LUZP2: variants seen among roughly 807,000 people sequenced by gnomAD.
LUZP2 encodes the protein leucine zipper protein 2.
In LUZP2, 52 loss-of-function variants were observed where a neutral mutation model predicts 51.6. That is an observed-to-expected ratio of 1.01 (90% CI 0.81 to 1.27). LUZP2 has a LOEUF of 1.27. LUZP2 is among the 50% of genes most tolerant of loss of function. LUZP2 has a pLI of 0.00. For synonymous variants in LUZP2, 154 were observed against 137.3 expected, an observed-to-expected ratio of 1.12 and a Z score of -0.85; for missense variants, 436 against 395.4, an observed-to-expected ratio of 1.10 and a Z score of -0.87.
chr11:24,954,105 C>G (rs956232964), intron 7 of LUZP2, among the ~76,000 whole-genome samples: 2 of 151,864 alleles, frequency 1.3e-5, no homozygotes, highest in East Asian at 3.9e-4. Flanking sequence ...AGCACAATGG[C>G]TTTGCCATAA....
intron 1 of LUZP2, among the ~76,000 whole-genome samples, chr11:24,562,857 A>G (rs1852093370): frequency 1.1e-5 from 1 of 87,240 alleles, no homozygotes; most frequent in Non-Finnish European, 2.5e-5. Flanking sequence ...GTGAGACTCC[A>G]TCTCTCAAAA....
At chr11:24,556,171 C>A (rs1851864287) in intron 1 of LUZP2, among the ~76,000 whole-genome samples, 1 of 152,172 alleles carries the variant, frequency 6.6e-6, no homozygotes, top group South Asian at 2.1e-4. Context: ...TGTGGATATA[C>A]TTCCACCCCT....
intron 5 of LUZP2, among the ~76,000 whole-genome samples, chr11:24,860,185 G>A (rs898974512): frequency 7.2e-5 from 11 of 152,208 alleles, no homozygotes; most frequent in African/African-American, 2.7e-4. Flanking sequence ...GTCATCTGTG[G>A]TCAGAGTGCT....
intron 5 of LUZP2, among the ~76,000 whole-genome samples, chr11:24,825,459 C>A (rs1250176915): frequency 6.6e-6 from 1 of 152,092 alleles, no homozygotes; most frequent in African/African-American, 2.4e-5. Context: ...CAGAAAACTG[C>A]ATTTAATCTG....
intron 5 of LUZP2, among the ~76,000 whole-genome samples, chr11:24,841,572 C>T (rs1014345804): frequency 6.6e-6 from 1 of 152,048 alleles, no homozygotes; most frequent in African/African-American, 2.4e-5. Context: ...TGTCTCAATA[C>T]ATTTAAATTT....
chr11:24,585,767 C>T (rs941498840), intron 1 of LUZP2, among the ~76,000 whole-genome samples: 2 of 151,932 alleles, frequency 1.3e-5, no homozygotes, highest in Non-Finnish European at 2.9e-5. Context: ...CTGAATGAGC[C>T]GCTTTCAGAC....
intron 1 of LUZP2, among the ~76,000 whole-genome samples, chr11:24,561,840 A>AAT (rs1852051699): frequency 6.6e-6 from 1 of 151,750 alleles, no homozygotes; most frequent in Non-Finnish European, 1.5e-5. Flanking sequence ...TGATAATAAT[A>AAT]AAGAATTATG....
intron 1 of LUZP2, among the ~76,000 whole-genome samples, chr11:24,561,828 A>AATAATAATAATAATAATAATAATG (rs148194595): frequency 0.026 from 3,902 of 151,054 alleles, 74 homozygotes; most frequent in Non-Finnish European, 0.043. Flanking sequence ...TAATAATAAT[A>AATAATAATAATAATAATAATAATG]ATGATAATAA....
At chr11:24,829,603 T>C (rs1460350633) in intron 5 of LUZP2, among the ~76,000 whole-genome samples, 2 of 152,208 alleles carry the variant, frequency 1.3e-5, no homozygotes, top group Non-Finnish European at 2.9e-5. Context: ...TGATTGGCTA[T>C]AGCCATTGCT....
intron 1 of LUZP2, among the ~76,000 whole-genome samples, chr11:24,717,468 C>T (rs1467174319): frequency 1.3e-5 from 2 of 148,176 alleles, no homozygotes; most frequent in Non-Finnish European, 3.0e-5. Flanking sequence ...AATGCAGTGG[C>T]GCCATCTCGG....
rs373112140 is a variant in LUZP2, at chr11:25,076,657, G to GGGAGGGAA, written c.859-664_859-657dup. Among the ~76,000 whole-genome samples, 1,228 of 144,656 alleles carry GGGAGGGAA rather than the reference G, an allele frequency of 8.5e-3. 23 individuals are homozygous for GGGAGGGAA. Among genetic ancestry groups the GGGAGGGAA allele is most frequent in the African/African-American group, 0.03 (1,171 of 38,452 alleles). The allele number at this position is 144,656 out of a possible 152,430, so 94.9% of individuals were successfully genotyped here. ...AAGGGAAAAAGAGGGAAGGAAGGGA[G>GGGAGGGAA]GGAGGGAAGGAGGGAGGGAGGGAGG... On this transcript the variant is annotated intron_variant, in intron 10 of 11. Coordinates refer to ENST00000336930, the MANE Select transcript of LUZP2 (RefSeq NM_001009909.4).
chr11:24,770,570 T>C (rs1192063342), intron 5 of LUZP2, among the ~76,000 whole-genome samples: 2 of 152,182 alleles, frequency 1.3e-5, no homozygotes, highest in East Asian at 3.9e-4. Context: ...CCTTTTATAT[T>C]TTGTTTTAAT....
intron 9 of LUZP2, among the ~76,000 whole-genome samples, chr11:24,996,201 T>C (rs1313616641): frequency 6.6e-6 from 1 of 151,752 alleles, no homozygotes; most frequent in Non-Finnish European, 1.5e-5. Context: ...TCTTGACATG[T>C]TTCATGTTTT....
intron 1 of LUZP2, among the ~76,000 whole-genome samples, chr11:24,679,282 T>C (rs1317491002): frequency 6.6e-6 from 1 of 152,288 alleles, no homozygotes; most frequent in East Asian, 1.9e-4. Flanking sequence ...TTTCATGACA[T>C]GTTAGGTATT....
At chr11:24,944,399 A>C (rs1214880343) in intron 7 of LUZP2, among the ~76,000 whole-genome samples, 1 of 152,224 alleles carries the variant, frequency 6.6e-6, no homozygotes. Flanking sequence ...AATTAAATGA[A>C]AATTCTAAAC....
intron 7 of LUZP2, among the ~76,000 whole-genome samples, chr11:24,936,672 T>A (rs1252096341): frequency 6.6e-6 from 1 of 152,126 alleles, no homozygotes; most frequent in African/African-American, 2.4e-5. Flanking sequence ...AATGTGTGTT[T>A]TTCCCCATGG....
At chr11:24,509,910 T>G (rs1235709890) in intron 1 of LUZP2, among the ~76,000 whole-genome samples, 1 of 152,136 alleles carries the variant, frequency 6.6e-6, no homozygotes, top group Non-Finnish European at 1.5e-5. Context: ...TGACATAACA[T>G]TAAGTGAATT....
chr11:24,941,296 A>G (rs2133849447), intron 7 of LUZP2, among the ~76,000 whole-genome samples: 1 of 152,326 alleles, frequency 6.6e-6, no homozygotes, highest in Non-Finnish European at 1.5e-5. Context: ...AGTTTTGTTG[A>G]AAGTTTTATA....
intron 7 of LUZP2, among the ~76,000 whole-genome samples, chr11:24,975,310 G>A (rs186548164): frequency 4.1e-4 from 63 of 152,080 alleles, no homozygotes; most frequent in Middle Eastern, 3.4e-3. Flanking sequence ...TAATAAAATG[G>A]CAGCTTTCCT....
Sources: gnomAD v4.1 joint callset for allele counts (sites outside exome capture counted in the v4.1 genomes callset) on GRCh38, gnomAD v4.1.1 for gene constraint, MANE v1.5 for transcripts, NCBI Gene and HGNC (gene_info 2026-07-23, HGNC 2026-07-21) for gene names.